The following TRANK1 variants were observed in gnomAD, a reference collection of about 807,000 sequenced individuals.
TRANK1 encodes the protein tetratricopeptide repeat and ankyrin repeat containing 1, also known as TPR and ankyrin repeat-containing protein 1.
In TRANK1, 198 loss-of-function variants were observed where a neutral mutation model predicts 266.0. The observed-to-expected ratio is 0.74, with a 90% CI of 0.66 to 0.84. TRANK1 has a LOEUF of 0.84. Ranked by LOEUF, TRANK1 falls within the 40% of genes least tolerant of loss-of-function variation. The probability of loss-of-function intolerance (pLI) is 0.00; values close to 1 mark genes in which losing one functional copy is unlikely to be tolerated. For missense variants in TRANK1, 3,326 were observed against 3,634.6 expected (o/e 0.92, Z 2.18); for synonymous variants, 1,396 against 1,384.1 (o/e 1.01, Z -0.19).
At chr3:36,862,044 T>C (rs1384649803) in intron 10 of TRANK1, among the ~76,000 whole-genome samples, 1 of 152,204 alleles carries the variant, frequency 6.6e-6, no homozygotes, top group African/African-American at 2.4e-5. Context: ...AGCAAGTAGA[T>C]GGTCAGATTT....
chr3:36,844,904 T>C (rs1172059365), intron 17 of TRANK1, among the ~76,000 whole-genome samples: 1 of 152,076 alleles, frequency 6.6e-6, no homozygotes, highest in African/African-American at 2.4e-5. Flanking sequence ...AAATGAACAA[T>C]AGCCTTGAGG....
chr3:36,932,043 A>G (rs2080367125), intron 1 of TRANK1, among the ~76,000 whole-genome samples: 1 of 152,248 alleles, frequency 6.6e-6, no homozygotes, highest in African/African-American at 2.4e-5. Context: ...TTCTTGAATT[A>G]CATAAATTCA....
intron 1 of TRANK1, among the ~76,000 whole-genome samples, chr3:36,927,889 C>T (rs1017540502): frequency 2.0e-5 from 3 of 152,186 alleles, no homozygotes; most frequent in Non-Finnish European, 2.9e-5. Flanking sequence ...CCATCCTATT[C>T]CCACCTCAGA....
intron 3 of TRANK1, among the ~76,000 whole-genome samples, chr3:36,900,874 A>AAAAAAAAAAAAAAAAAAAAAC (rs1349072551): frequency 7.1e-6 from 1 of 140,872 alleles, no homozygotes; most frequent in Admixed American, 7.2e-5. Context: ...AAAAAAAAAA[A>AAAAAAAAAAAAAAAAAAAAAC]AAGATAACAG....
chr3:36,913,275 T>C (rs946495697), intron 1 of TRANK1, among the ~76,000 whole-genome samples: 1 of 152,182 alleles, frequency 6.6e-6, no homozygotes. Context: ...GGTCTCGAAC[T>C]CCTGACCTCA....
intron 1 of TRANK1, among the ~76,000 whole-genome samples, chr3:36,924,529 T>C (rs907576651): frequency 6.6e-6 from 1 of 152,212 alleles, no homozygotes; most frequent in South Asian, 2.1e-4. Context: ...GTAATTTTCT[T>C]GTGTAACACA....
Position 36,903,158 on chromosome 3 carries a change from G to T in TRANK1, c.273C>A (p.Thr91=). 6.5e-7 allele frequency: 1 copy of T among 1,537,210 alleles called. No individual in the cohort carries two copies. The highest frequency in any genetic ancestry group is 1.2e-5 in the South Asian group (1 of 84,062). Reference sequence around the variant, plus strand: ...CCCTCCCACCCCATACCTTCACGTAGGTTGGATCCCATTGGAGACATTCCT... The same window carrying T: ...CCCTCCCACCCCATACCTTCACGTATGTTGGATCCCATTGGAGACATTCCT... The part of the protein sequence containing the change: ...AAKECLQWDP[T]YVKGYYRAGY... Residue 91 remains threonine (T), a synonymous_variant, in exon 3 of 24, where the codon ACC becomes ACA. Coordinates refer to ENST00000645898, the MANE Select transcript of TRANK1 (RefSeq NM_001329998.2).
chr3:36,897,603 A>C (rs4528889), intron 4 of TRANK1, among the ~76,000 whole-genome samples: 4 of 152,176 alleles, frequency 2.6e-5, no homozygotes, highest in Non-Finnish European at 5.9e-5. Context: ...GATTGATAAC[A>C]GTCTATCCAT....
intron 3 of TRANK1, among the ~76,000 whole-genome samples, chr3:36,902,522 G>A (rs1287505208): frequency 2.6e-5 from 4 of 152,202 alleles, no homozygotes; most frequent in African/African-American, 4.8e-5. Flanking sequence ...ACCAAGAACA[G>A]TAAAGGTGCC....
At chr3:36,866,308 T>C (rs566720185) in intron 9 of TRANK1, among the ~76,000 whole-genome samples, 109 of 152,346 alleles carry the variant, frequency 7.2e-4, no homozygotes, top group African/African-American at 2.4e-3. Context: ...ATGTTCAATG[T>C]CATGTTCTAC....
intron 22 of TRANK1, among the ~76,000 whole-genome samples, chr3:36,830,578 G>A (rs549370468): frequency 3.9e-5 from 6 of 152,148 alleles, no homozygotes; most frequent in Admixed American, 6.5e-5. Flanking sequence ...GAGAGAAAGC[G>A]ATTCATTCTA....
intron 18 of TRANK1, among the ~76,000 whole-genome samples, chr3:36,841,335 G>A (rs1335267755): frequency 6.6e-6 from 1 of 152,216 alleles, no homozygotes; most frequent in African/African-American, 2.4e-5. Context: ...AAAGAAAGAT[G>A]GTGATCTTTC....
chr3:36,857,779 G>T lies in TRANK1; in HGVS notation c.1943C>A (p.Ala648Asp). ...NDSLLLAWNK[A>D]LMENRRRSRQ... The stretch of plus-strand genomic sequence containing the variant: ...GCTCCTCCTCCTGTTCTCCATCAGA[G>T]CTTTGTTCCAGGCCAAGAGCAGAGA... Residue 648 changes from alanine (A) to aspartate (D), a missense_variant, in exon 13 of 24, where the codon GCT (alanine) becomes GAT (aspartate). Transcript: ENST00000645898. The surrounding 1 kb of genome is among the most constrained non-coding windows in gnomAD (Gnocchi z 4.3). 4 of 1,614,024 alleles carry T rather than the reference G, an allele frequency of 2.5e-6. No homozygotes were observed. Among genetic ancestry groups the T allele is most frequent in the Non-Finnish European group, 3.4e-6 (4 of 1,179,908 alleles).
Position 36,855,203 on chromosome 3 carries a change from G to T in TRANK1, c.4519C>A (p.Gln1507Lys). Reference sequence around the variant, plus strand: ...TGGGACCTGTAATTCTGGTACAGCTGGTGGATCTTCTTGGGCTTCCGGACA... The same window carrying T: ...TGGGACCTGTAATTCTGGTACAGCTTGTGGATCTTCTTGGGCTTCCGGACA... ...CAVRKPKKIHQLYQNYRSHSG... is the reference protein window; with the variant it reads ...CAVRKPKKIHKLYQNYRSHSG... Residue 1507 changes from glutamine (Q) to lysine (K), a missense_variant, in exon 13 of 24, where the codon CAG (glutamine) becomes AAG (lysine). By Grantham distance (53) the Gln-to-Lys change is moderately conservative (BLOSUM62 1). Transcript: ENST00000645898. 6.2e-7 allele frequency: 1 copy of T among 1,613,034 alleles called. No homozygotes were observed.
chr3:36,881,707 T>C (rs946992871), intron 8 of TRANK1, among the ~76,000 whole-genome samples: 7 of 152,182 alleles, frequency 4.6e-5, no homozygotes, highest in African/African-American at 1.7e-4. Context: ...TTCCAGAACA[T>C]TTTCATCACC....
rs1040492459 is a variant in TRANK1, at chr3:36,847,139, T to C, written c.5034+61A>G. The C allele has an allele frequency of 1.8e-5, 28 of 1,544,202 alleles. No homozygotes were observed. The African/African-American group carries it at 3.1e-4, about 17-fold the overall frequency. On this transcript the variant is annotated intron_variant, in intron 16 of 23. Transcript: ENST00000645898. ...CTCCATTTTTCCTCTCATCTTCTCT[T>C]CCAAGCCTTTTTCACTACTTCCATG...
At chr3:36,886,140 T>G (rs1381983118) in intron 8 of TRANK1, among the ~76,000 whole-genome samples, 55 of 146,388 alleles carry the variant, frequency 3.8e-4, no homozygotes, top group African/African-American at 1.1e-3. Flanking sequence ...TTTTTTTTTT[T>G]TTTTTTTTTT....
chr3:36,845,017 G>A (rs949378975), intron 17 of TRANK1, among the ~76,000 whole-genome samples: 7 of 151,456 alleles, frequency 4.6e-5, no homozygotes, highest in South Asian at 2.1e-4. Flanking sequence ...ACTTCACTTC[G>A]TTAGGTAGCC....
At position 36,895,746 on chromosome 3, in the gene TRANK1, A is replaced by G; in HGVS notation, c.446T>C (p.Val149Ala). 6.5e-7 allele frequency: 1 copy of G among 1,531,832 alleles called. No individual in the cohort carries two copies. The highest frequency in any genetic ancestry group is 1.2e-5 in the South Asian group (1 of 82,714). 94.9% of individuals were successfully genotyped at this position (1,531,832 alleles called of 1,614,324 possible). Residue 149 changes from valine to alanine, a missense_variant, in exon 5 of 24, where the codon GTT (valine) becomes GCT (alanine). Transcript: ENST00000645898. The part of the protein sequence containing the change: ...VFTTMSSDSI[V>A]LQSFLPCFDH... ...AAAGCAAGGCAAGAAACTTTGCAAA[A>G]CAATGGAGTCACCTAAAAGAAAGTT... is the stretch of plus-strand genomic sequence containing the variant.
Sources: gnomAD v4.1 joint callset for allele counts (sites outside exome capture counted in the v4.1 genomes callset) on GRCh38, gnomAD v4.1.1 for gene constraint, Gnocchi (gnomAD v3.1) non-coding constraint, MANE v1.5 for transcripts, NCBI Gene and HGNC (gene_info 2026-07-23, HGNC 2026-07-21) for gene names.